The following PVT1 variants were observed in gnomAD, a reference collection of about 807,000 sequenced individuals.
PVT1 encodes the protein CXCR4/PVT1 fusion.
chr8:127,845,961 G>C (rs945861305), intron 2 of PVT1, among the ~76,000 whole-genome samples: 1 of 152,198 alleles, frequency 6.6e-6, no homozygotes, highest in Non-Finnish European at 1.5e-5. Context: ...CACTTTGAAA[G>C]GTCTGTTCTT....
At chr8:128,002,976 C>CCTTCCTTCCTTCCTTG in intron 4 of PVT1, among the ~76,000 whole-genome samples, 1 of 112,406 alleles carries the variant, frequency 8.9e-6, no homozygotes, top group Admixed American at 1.1e-4. Context: ...CCTCTTCCTT[C>CCTTCCTTCCTTCCTTG]CTTCCTTCCT....
rs538634789 is a variant in PVT1, at chr8:128,047,771, A to G, written n.913-22389A>G. ...CAGCTGTTTAAAAAATTAGTAAAAA[A>G]AAATCAGTATGTGAGATGATGCACC... is the stretch of plus-strand genomic sequence containing the variant. On this transcript the variant is annotated intron_variant and non_coding_transcript_variant, in intron 4 of 10. Coordinates refer to ENST00000651587, the Ensembl canonical transcript of PVT1. 1.2e-4 allele frequency among the ~76,000 whole-genome samples: 19 copies of G among 152,326 alleles called. No individual in the cohort carries two copies. The South Asian group carries it at 3.7e-3, about 30-fold the overall frequency.
rs570537637 is a variant in PVT1, at chr8:127,898,987, T to C, written n.782+7989T>C. ...CCAACCGAAGAACAGCTGTTGGTGGTCAGGTCTCTGAGTCACTCAGTAGCT... is the reference window on the plus strand; with the variant it reads ...CCAACCGAAGAACAGCTGTTGGTGGCCAGGTCTCTGAGTCACTCAGTAGCT... On this transcript the variant is annotated intron_variant and non_coding_transcript_variant, in intron 3 of 10. Transcript: ENST00000651587. This position sits in a 1 kb window ranked among gnomAD's most constrained non-coding sequence, Gnocchi z 4.4. Among the ~76,000 whole-genome samples, 86 of 152,222 alleles carry C rather than the reference T, an allele frequency of 5.6e-4. No individual in the cohort carries two copies. The East Asian group carries it at 0.016, about 28-fold the overall frequency.
At chr8:127,853,499 A>C (rs2129737186) in intron 2 of PVT1, among the ~76,000 whole-genome samples, 1 of 151,872 alleles carries the variant, frequency 6.6e-6, no homozygotes. Context: ...GAATGAGAGG[A>C]GCCATGCGTG....
At chr8:127,815,009 C>T (rs1814643509) in intron 2 of PVT1, among the ~76,000 whole-genome samples, 1 of 152,004 alleles carries the variant, frequency 6.6e-6, no homozygotes, top group Non-Finnish European at 1.5e-5. Context: ...TTCTGTTGCC[C>T]AGGCTGGAGT....
Position 127,839,114 on chromosome 8 carries a change from C to T in PVT1, n.372+43043C>T, listed in dbSNP as rs138061353. Among the ~76,000 whole-genome samples, 218 of 152,246 alleles carry T rather than the reference C, an allele frequency of 1.4e-3. 1 individual carries two copies. The highest frequency in any genetic ancestry group is 5.0e-3 in the African/African-American group (206 of 41,546). Reference sequence around the variant, plus strand: ...AACTCCCTCTGTAATGTTCGCACAACGAAATTGCCTAACGCCGCATTTCTC... The same window carrying T: ...AACTCCCTCTGTAATGTTCGCACAATGAAATTGCCTAACGCCGCATTTCTC... On this transcript the variant is annotated intron_variant and non_coding_transcript_variant, in intron 2 of 10. Coordinates refer to ENST00000651587, the Ensembl canonical transcript of PVT1.
intron 3 of PVT1, among the ~76,000 whole-genome samples, chr8:127,919,584 T>TGGC (rs1816032584): frequency 6.6e-6 from 1 of 152,198 alleles, no homozygotes; most frequent in Non-Finnish European, 1.5e-5. Flanking sequence ...CCGGCTCTAT[T>TGGC]GGCGACTGTG....
intron 4 of PVT1, among the ~76,000 whole-genome samples, chr8:127,994,582 T>G (rs1817082638): frequency 6.6e-6 from 1 of 152,370 alleles, no homozygotes; most frequent in East Asian, 1.9e-4. Context: ...TCCATGTCTA[T>G]ATCAATATCT....
chr8:128,093,165 C>T lies in PVT1; in HGVS notation n.1115-3353C>T, dbSNP rs186286436. On this transcript the variant is annotated intron_variant and non_coding_transcript_variant, in intron 5 of 10. Coordinates refer to ENST00000651587, the Ensembl canonical transcript of PVT1. ...TTCTACCCTCACAATGCCTAAGCAG[C>T]TTGGATCACGGAAAGAGCTTGGGCT... is the stretch of plus-strand genomic sequence containing the variant. Among the ~76,000 whole-genome samples the T allele has an allele frequency of 2.8e-4, 42 of 152,330 alleles. 1 individual carries two copies. In the East Asian group the frequency reaches 6.7e-3, roughly 24 times the overall value.
At chr8:127,837,253 G>A (rs1225506383) in intron 2 of PVT1, among the ~76,000 whole-genome samples, 2 of 152,254 alleles carry the variant, frequency 1.3e-5, no homozygotes, top group East Asian at 1.9e-4. Context: ...CCATGGGCTC[G>A]CCTTCCATCC....
intron 3 of PVT1, among the ~76,000 whole-genome samples, chr8:127,986,428 G>C (rs1050347218): frequency 6.6e-6 from 1 of 152,116 alleles, no homozygotes; most frequent in African/African-American, 2.4e-5. Flanking sequence ...TGGCTTGCTC[G>C]GCCACATCAG....
rs535857250 is a variant in PVT1 at position 127,917,746 on chromosome 8, C to T, written n.782+26748C>T. Among the ~76,000 whole-genome samples the T allele has an allele frequency of 1.6e-4, 24 of 152,376 alleles. No individual in the cohort carries two copies. In the South Asian group the frequency reaches 4.8e-3, roughly 30 times the overall value. ...GCCTACAGCCCGCTCTGGGGACAGC[C>T]GTCTTTTGGCAGAGTCTGCCTCTGC... On this transcript the variant is annotated intron_variant and non_coding_transcript_variant, in intron 3 of 10. Coordinates refer to ENST00000651587, the Ensembl canonical transcript of PVT1.
intron 3 of PVT1, among the ~76,000 whole-genome samples, chr8:127,939,182 T>A (rs932120290): frequency 6.6e-6 from 1 of 152,220 alleles, no homozygotes; most frequent in Non-Finnish European, 1.5e-5. Flanking sequence ...TATCCTCACC[T>A]GCCTTCTCAC....
chr8:128,034,556 G>A (rs1047327436), intron 4 of PVT1, among the ~76,000 whole-genome samples: 1 of 152,190 alleles, frequency 6.6e-6, no homozygotes, highest in Non-Finnish European at 1.5e-5. Flanking sequence ...TTATCTCTGT[G>A]TCCTCTGTGC....
chr8:128,049,532 G>A (rs999686599), intron 4 of PVT1, among the ~76,000 whole-genome samples: 37 of 152,166 alleles, frequency 2.4e-4, no homozygotes, highest in African/African-American at 8.9e-4. Flanking sequence ...GGGAGCTTCC[G>A]TGGGCCCCTC....
At chr8:128,011,198 G>A (rs187802705) in intron 4 of PVT1, among the ~76,000 whole-genome samples, 2 of 152,290 alleles carry the variant, frequency 1.3e-5, no homozygotes, top group Non-Finnish European at 2.9e-5. Context: ...GTCATGTTTT[G>A]TAAGCATGGT....
intron 3 of PVT1, among the ~76,000 whole-genome samples, chr8:127,909,521 T>C (rs2129842063): frequency 6.6e-6 from 1 of 152,336 alleles, no homozygotes; most frequent in South Asian, 2.1e-4. Flanking sequence ...TTCAGGGGAT[T>C]GTTTCAAGGA....
intron 2 of PVT1, among the ~76,000 whole-genome samples, chr8:127,872,937 G>A (rs912238934): frequency 2.6e-5 from 4 of 152,212 alleles, no homozygotes; most frequent in African/African-American, 9.6e-5. Flanking sequence ...TTAAAGCAAA[G>A]TGACGGGACA....
At chr8:128,010,503 A>G (rs1817300773) in intron 4 of PVT1, 1 of 152,184 alleles carries the variant, frequency 6.6e-6, no homozygotes, top group African/African-American at 2.4e-5. Context: ...CCGCACAAGA[A>G]CAAGGGTTTT....
Sources: allele counts gnomAD v4.1 joint callset (sites outside exome capture counted in the v4.1 genomes callset), GRCh38; gene constraint gnomAD v4.1.1; non-coding constraint Gnocchi (gnomAD v3.1); transcripts MANE v1.5; gene names NCBI Gene and HGNC (gene_info 2026-07-23, HGNC 2026-07-21).